CRIM1: variants seen among roughly 807,000 people sequenced by gnomAD.
The protein encoded by CRIM1 is cysteine rich transmembrane BMP regulator 1.
A neutral mutation model predicts 116.4 loss-of-function variants in CRIM1; 32 were observed. That is an observed-to-expected ratio of 0.27 (90% confidence interval 0.21 to 0.37). The LOEUF is 0.37. Among genes scored for constraint, CRIM1 ranks in the 10% least tolerant of loss-of-function variants. CRIM1 has a pLI of 1.00. For synonymous variants in CRIM1, 590 were observed against 509.2 expected, an observed-to-expected ratio of 1.16 and a Z score of -2.13; for missense variants, 1,331 against 1,354.8, an observed-to-expected ratio of 0.98 and a Z score of 0.28.
chr2:36,543,812 C>T (rs1399254621), intron 14 of CRIM1, among the ~76,000 whole-genome samples: 1 of 151,948 alleles, frequency 6.6e-6, no homozygotes, highest in East Asian at 1.9e-4. Context: ...TGAAGATCAG[C>T]TTCTAATCTA....
intron 2 of CRIM1, among the ~76,000 whole-genome samples, chr2:36,416,263 A>G (rs1029639289): frequency 4.6e-5 from 7 of 152,234 alleles, no homozygotes; most frequent in Non-Finnish European, 7.4e-5. Flanking sequence ...AAATTATAAA[A>G]GATAACTTTC....
intron 8 of CRIM1, among the ~76,000 whole-genome samples, chr2:36,503,045 C>T (rs1681112430): frequency 1.3e-5 from 2 of 152,232 alleles, no homozygotes; most frequent in Admixed American, 1.3e-4. Context: ...TCTAGACATA[C>T]AGCATTCTGC....
chr2:36,364,934 C>T (rs1021838239), intron 1 of CRIM1, among the ~76,000 whole-genome samples: 1 of 151,918 alleles, frequency 6.6e-6, no homozygotes, highest in African/African-American at 2.4e-5. Flanking sequence ...TATTTTCTAT[C>T]CTTTCCCATT....
chr2:36,432,374 T>C (rs1334252215), intron 2 of CRIM1, among the ~76,000 whole-genome samples: 1 of 152,226 alleles, frequency 6.6e-6, no homozygotes, highest in African/African-American at 2.4e-5. Flanking sequence ...TGTGTGAATA[T>C]ATAAATATAA....
chr2:36,495,482 T>A (rs560346090), intron 7 of CRIM1, among the ~76,000 whole-genome samples: 3,947 of 146,248 alleles, frequency 0.027, 68 homozygotes, highest in African/African-American at 0.048. Flanking sequence ...TTTATTTTTT[T>A]TTTTTTTTTT....
intron 7 of CRIM1, among the ~76,000 whole-genome samples, chr2:36,496,632 T>C (rs1680614386): frequency 6.6e-6 from 1 of 152,216 alleles, no homozygotes; most frequent in East Asian, 1.9e-4. Flanking sequence ...TGCAATTTTA[T>C]TTGTTCAAGT....
chr2:36,474,142 T>C (rs527885424), intron 5 of CRIM1, among the ~76,000 whole-genome samples: 2 of 152,332 alleles, frequency 1.3e-5, no homozygotes, highest in East Asian at 3.9e-4. Flanking sequence ...TTCTGTCTTA[T>C]TTGAAGAAGT....
At chr2:36,384,088 G>C (rs374342224) in intron 1 of CRIM1, among the ~76,000 whole-genome samples, 20 of 152,338 alleles carry the variant, frequency 1.3e-4, no homozygotes, top group African/African-American at 4.6e-4. Context: ...AGGGGACAGA[G>C]ACAACCACAG....
intron 7 of CRIM1, among the ~76,000 whole-genome samples, chr2:36,483,081 C>G (rs1432023016): frequency 6.6e-6 from 1 of 152,140 alleles, no homozygotes; most frequent in East Asian, 1.9e-4. Context: ...TTGTCAACAC[C>G]CAATTCAGGT....
intron 14 of CRIM1, 45 bp from the exon 15 acceptor site, chr2:36,544,331 A>G: frequency 7.6e-7 from 1 of 1,317,956 alleles, no homozygotes; most frequent in Non-Finnish European, 9.8e-7. Flanking sequence ...AGCCAACAAT[A>G]CAGCAGCTTC....
chr2:36,370,534 G>T (rs1669875670), intron 1 of CRIM1, among the ~76,000 whole-genome samples: 1 of 152,114 alleles, frequency 6.6e-6, no homozygotes, highest in Non-Finnish European at 1.5e-5. Context: ...GGGAGATAAA[G>T]TATTTACATG....
intron 2 of CRIM1, among the ~76,000 whole-genome samples, chr2:36,411,461 A>G (rs1371683299): frequency 1.3e-5 from 2 of 152,160 alleles, no homozygotes; most frequent in Non-Finnish European, 2.9e-5. Flanking sequence ...ATAGGAAATA[A>G]TGCATTTTCT....
intron 5 of CRIM1, among the ~76,000 whole-genome samples, chr2:36,470,464 A>G (rs767869659): frequency 2.6e-5 from 4 of 152,202 alleles, no homozygotes; most frequent in African/African-American, 4.8e-5. Flanking sequence ...GATTCTTATT[A>G]GGGGCTAATG....
rs558086296 is a variant in CRIM1, at chr2:36,466,157, A to G, written c.991+1502A>G. ...CGCCTCGGCCTCCCAAGGTACTGGG[A>G]TTACACGTGTGAGCCACTGCTTCCG... On this transcript the variant is annotated intron_variant, in intron 5 of 16. Transcript: ENST00000280527. Among the ~76,000 whole-genome samples the G allele has an allele frequency of 2.6e-5, 4 of 152,228 alleles. No homozygotes were observed. The East Asian group carries it at 7.7e-4, about 29-fold the overall frequency.
chr2:36,509,442 A>G (rs1347630503), intron 8 of CRIM1, among the ~76,000 whole-genome samples: 1 of 152,178 alleles, frequency 6.6e-6, no homozygotes, highest in African/African-American at 2.4e-5. Flanking sequence ...TGGGAGAATC[A>G]CTTGAACCCA....
chr2:36,507,823 CCTT>C (rs1248203697), intron 8 of CRIM1, among the ~76,000 whole-genome samples: 1 of 152,174 alleles, frequency 6.6e-6, no homozygotes, highest in East Asian at 1.9e-4. Flanking sequence ...TGGAAAAACT[CCTT>C]CTTTATTGCA....
At chr2:36,507,944 C>T (rs1291222570) in intron 8 of CRIM1, among the ~76,000 whole-genome samples, 1 of 152,204 alleles carries the variant, frequency 6.6e-6, no homozygotes, top group Non-Finnish European at 1.5e-5. Context: ...GTTTTTAATT[C>T]ATCTGTTTCC....
intron 2 of CRIM1, among the ~76,000 whole-genome samples, chr2:36,425,186 C>T (rs1674359338): frequency 6.6e-6 from 1 of 152,170 alleles, no homozygotes. Flanking sequence ...CAAGTAGCTG[C>T]TCAGGAACAT....
intron 1 of CRIM1, among the ~76,000 whole-genome samples, chr2:36,360,977 T>G (rs1405511189): frequency 6.6e-6 from 1 of 152,118 alleles, no homozygotes; most frequent in Non-Finnish European, 1.5e-5. Context: ...TAACATTATG[T>G]TAACAGGGAA....
Sources: allele counts gnomAD v4.1 joint callset (sites outside exome capture counted in the v4.1 genomes callset), GRCh38; gene constraint gnomAD v4.1.1; transcripts MANE v1.5; gene names NCBI Gene and HGNC (gene_info 2026-07-23, HGNC 2026-07-21).